CACNA2D1: variants seen among roughly 807,000 people sequenced by gnomAD.
CACNA2D1 encodes the protein voltage-dependent calcium channel subunit alpha-2/delta-1.
Under a neutral mutation model 171.5 loss-of-function variants are expected in CACNA2D1, and 53 were observed. The ratio of observed to expected loss-of-function variants is 0.31; its 90% confidence interval spans 0.25 to 0.39. The LOEUF (loss-of-function observed/expected upper bound fraction) is 0.39. Ranked by LOEUF, CACNA2D1 falls within the 10% of genes least tolerant of loss-of-function variation. The pLI is 1.00. For synonymous variants in CACNA2D1, 442 were observed against 443.1 expected, an observed-to-expected ratio of 1.00 and a Z score of 0.03; for missense variants, 903 against 1,299.8, an observed-to-expected ratio of 0.69 and a Z score of 4.69.
chr7:81,962,342 T>C, intron 35 of CACNA2D1, 98 bp downstream of exon 35: 1 of 920,594 alleles, frequency 1.1e-6, no homozygotes, highest in Non-Finnish European at 1.7e-6. Context: ...CTGTTTTCTC[T>C]TTCACACAAA....
Position 81,948,303 on chromosome 7 carries a change from T to C in CACNA2D1, c.*2089A>G, listed in dbSNP as rs1045658763. 3.3e-5 allele frequency: 5 copies of C among 151,848 alleles called. No homozygotes were observed. Among genetic ancestry groups the C allele is most frequent in the African/African-American group, 4.8e-5 (2 of 41,412 alleles). The allele number at this position is 151,848 out of a possible 1,614,324, so 9.4% of individuals were successfully genotyped here. A position where few individuals can be genotyped will look rare whatever the true frequency, so the allele number is the denominator to read the frequency against. On this transcript the variant is annotated 3_prime_UTR_variant, in exon 39 of 39. Coordinates refer to ENST00000356860, the MANE Select transcript of CACNA2D1 (RefSeq NM_000722.4). ...TTGTTACTAGAGTGAGAAGTTTTTTTCCCCACATATATTTTAAATCACTTT... is the reference window on the plus strand; with the variant it reads ...TTGTTACTAGAGTGAGAAGTTTTTTCCCCCACATATATTTTAAATCACTTT...
intron 3 of CACNA2D1, among the ~76,000 whole-genome samples, chr7:82,172,053 T>C (rs10486949): frequency 0.064 from 9,778 of 152,092 alleles, 662 homozygotes; most frequent in African/African-American, 0.17. Context: ...TATTGCCTAG[T>C]GGGAGATCTC....
intron 22 of CACNA2D1, among the ~76,000 whole-genome samples, chr7:81,983,682 T>C (rs565295838): frequency 6.6e-6 from 1 of 152,288 alleles, no homozygotes; most frequent in East Asian, 1.9e-4. Flanking sequence ...ATTTATCAAT[T>C]GAAGAACTAG....
At chr7:82,422,217 A>G (rs942629087) in intron 1 of CACNA2D1, among the ~76,000 whole-genome samples, 1 of 152,192 alleles carries the variant, frequency 6.6e-6, no homozygotes, top group African/African-American at 2.4e-5. Context: ...ATAATTAACT[A>G]TAATGGTCAC....
intron 18 of CACNA2D1, chr7:82,001,697 GTA>G (rs1437413479): frequency 1.6e-6 from 2 of 1,257,146 alleles, no homozygotes; most frequent in East Asian, 1.0e-4. Context: ...TTAATTGTTG[GTA>G]TACCTACACC....
intron 3 of CACNA2D1, among the ~76,000 whole-genome samples, chr7:82,282,143 A>C (rs1048005437): frequency 1.7e-4 from 26 of 152,102 alleles, no homozygotes; most frequent in Admixed American, 3.3e-4. Flanking sequence ...CTAAAAATAC[A>C]AAAAGTTAGC....
chr7:82,378,324 A>AG (rs1351018134), intron 1 of CACNA2D1, among the ~76,000 whole-genome samples: 20 of 152,304 alleles, frequency 1.3e-4, no homozygotes, highest in African/African-American at 4.8e-4. Context: ...ATTGGAGCCC[A>AG]GGAAGTCCAG....
chr7:82,154,177 C>G (rs543703104), intron 4 of CACNA2D1, among the ~76,000 whole-genome samples: 2 of 152,302 alleles, frequency 1.3e-5, no homozygotes, highest in South Asian at 2.1e-4. Flanking sequence ...CACATAACGT[C>G]TGTGTGTCTC....
At chr7:82,379,674 A>T (rs1823466863) in intron 1 of CACNA2D1, among the ~76,000 whole-genome samples, 1 of 152,174 alleles carries the variant, frequency 6.6e-6, no homozygotes, top group African/African-American at 2.4e-5. Flanking sequence ...CTAACTTTTT[A>T]AAAACACAAA....
At chr7:82,264,945 A>T (rs1361922235) in intron 3 of CACNA2D1, among the ~76,000 whole-genome samples, 1 of 152,152 alleles carries the variant, frequency 6.6e-6, no homozygotes, top group Non-Finnish European at 1.5e-5. Flanking sequence ...TCTCCTAAAA[A>T]GTCACTGGGG....
At chr7:82,147,110 G>A (rs754026616) in intron 4 of CACNA2D1, among the ~76,000 whole-genome samples, 7 of 149,380 alleles carry the variant, frequency 4.7e-5, no homozygotes, top group African/African-American at 7.4e-5. Context: ...AAAGTGTAGA[G>A]CTTTACAAAA....
intron 3 of CACNA2D1, among the ~76,000 whole-genome samples, chr7:82,305,099 G>T (rs1335260478): frequency 6.6e-6 from 1 of 151,958 alleles, no homozygotes; most frequent in Admixed American, 6.6e-5. Context: ...TGCAATCTTG[G>T]GTAATTTATT....
chr7:82,077,846 T>TC (rs1374358534), intron 7 of CACNA2D1, among the ~76,000 whole-genome samples: 1 of 151,958 alleles, frequency 6.6e-6, no homozygotes, highest in East Asian at 1.9e-4. Context: ...TCCACTGGTA[T>TC]CCCATTTTCT....
chr7:82,108,570 T>C (rs1788015605), intron 6 of CACNA2D1, among the ~76,000 whole-genome samples: 1 of 152,162 alleles, frequency 6.6e-6, no homozygotes, highest in Admixed American at 6.5e-5. Flanking sequence ...TATAAAGCTA[T>C]TACTAATTGG....
At chr7:82,248,608 T>C (rs1318848796) in intron 3 of CACNA2D1, among the ~76,000 whole-genome samples, 1 of 152,226 alleles carries the variant, frequency 6.6e-6, no homozygotes, top group African/African-American at 2.4e-5. Flanking sequence ...GTAATATTTT[T>C]CTTGCACCTA....
intron 5 of CACNA2D1, among the ~76,000 whole-genome samples, chr7:82,117,556 G>A (rs1050356215): frequency 3.9e-5 from 6 of 152,210 alleles, no homozygotes; most frequent in Middle Eastern, 6.8e-3. Context: ...GAGGAAGAGG[G>A]GGGCAGATCA....
At chr7:82,372,937 C>T (rs1199117808) in intron 1 of CACNA2D1, among the ~76,000 whole-genome samples, 1 of 152,158 alleles carries the variant, frequency 6.6e-6, no homozygotes, top group African/African-American at 2.4e-5. Flanking sequence ...ATAATCCCAG[C>T]ACTTTGGGAA....
Position 82,382,203 on chromosome 7 carries a change from T to C in CACNA2D1, c.96-32554A>G, listed in dbSNP as rs77029585. ...TAAATAACTGCGTATAGGAATTCTT[T>C]TCAATTTAAGGAAATTTCCTGATTT... On this transcript the variant is annotated intron_variant, in intron 1 of 38. Coordinates refer to ENST00000356860, the MANE Select transcript of CACNA2D1 (RefSeq NM_000722.4). Among the ~76,000 whole-genome samples, 82 of 152,286 alleles carry C rather than the reference T, an allele frequency of 5.4e-4. No homozygotes were observed. In the East Asian group the frequency reaches 0.011, roughly 21 times the overall value.
At chr7:82,181,050 T>C (rs1424120077) in intron 3 of CACNA2D1, among the ~76,000 whole-genome samples, 1 of 111,448 alleles carries the variant, frequency 9.0e-6, no homozygotes, top group Non-Finnish European at 1.8e-5. Context: ...GATTTTTTTT[T>C]TTTTTTTTTT....
Sources: allele counts gnomAD v4.1 joint callset (sites outside exome capture counted in the v4.1 genomes callset), GRCh38; gene constraint gnomAD v4.1.1; transcripts MANE v1.5; gene names NCBI Gene and HGNC (gene_info 2026-07-23, HGNC 2026-07-21).